Variants in UPRT observed in about 807,000 individuals in gnomAD.
UPRT encodes RP11-311P8.3.
In UPRT, 5 loss-of-function variants were observed where a neutral mutation model predicts 22.6. The ratio of observed to expected loss-of-function variants is 0.22; its 90% CI spans 0.12 to 0.47. The LOEUF is 0.47. UPRT is among the 20% of genes least tolerant of loss of function. The pLI, the probability that UPRT is intolerant of heterozygous loss-of-function variation, is 0.99. For missense variants in UPRT, 181 were observed against 239.9 expected (o/e 0.75, Z 1.62); for synonymous variants, 77 against 87.7 (o/e 0.88, Z 0.68).
At chrX:75,238,877 G>A (rs1333211087) in intron 4 of UPRT, among the ~76,000 whole-genome samples, 5 of 111,611 alleles carry the variant, frequency 4.5e-5, no homozygotes, top group Non-Finnish European at 7.5e-5. Context: ...GGTCAACAAC[G>A]AAATCAAGAT....
At chrX:75,291,650 A>C (rs1325803860) in intron 1 of UPRT, 1 of 147,339 alleles carries the variant, frequency 6.8e-6, no homozygotes, top group Non-Finnish European at 1.3e-5. Flanking sequence ...AAAAAAAAAA[A>C]CGAGGTCAAC....
Position 75,304,593 on chromosome X carries a change from T to C in UPRT, c.*1082T>C, listed in dbSNP as rs1255723681. On this transcript the variant is annotated 3_prime_UTR_variant, in exon 7 of 7. Transcript: ENST00000373383. ...ATTTTACATTGATATTAAAACATTTTAACAGTGTTGGCTAGCTGATTACTT... is the reference window on the plus strand; with the variant it reads ...ATTTTACATTGATATTAAAACATTTCAACAGTGTTGGCTAGCTGATTACTT... 1 of 111,456 alleles carries C rather than the reference T, an allele frequency of 9.0e-6. No homozygotes were observed. The highest frequency in any genetic ancestry group is 1.9e-5 in the Non-Finnish European group (1 of 53,144). The allele number at this position is 111,456 out of a possible 1,213,427, so 9.2% of individuals were successfully genotyped here. A position where few individuals can be genotyped will look rare whatever the true frequency, so the allele number is the denominator to read the frequency against.
chrX:75,267,500 C>T (rs990854212), intron 4 of UPRT, among the ~76,000 whole-genome samples: 9 of 111,540 alleles, frequency 8.1e-5, no homozygotes, highest in African/African-American at 2.9e-4. Flanking sequence ...GGGTGCAGCA[C>T]ACCAATATGG....
chrX:75,172,543 C>T (rs371857506), intron 4 of UPRT, among the ~76,000 whole-genome samples: 2 of 111,935 alleles, frequency 1.8e-5, no homozygotes, highest in Admixed American at 9.4e-5. Context: ...CTTTTGTGTC[C>T]GGAATTGGTG....
intron 4 of UPRT, among the ~76,000 whole-genome samples, chrX:75,196,833 TG>T (rs1403584078): frequency 9.0e-6 from 1 of 110,763 alleles, no homozygotes; most frequent in Non-Finnish European, 1.9e-5. Context: ...GGTGACAAAG[TG>T]AGACTCTTTC....
intron 4 of UPRT, among the ~76,000 whole-genome samples, chrX:75,265,337 C>G (rs1337621857): frequency 2.7e-5 from 3 of 111,899 alleles, no homozygotes; most frequent in Non-Finnish European, 5.6e-5. Flanking sequence ...TATATTTGTT[C>G]TTTTCACATA....
intron 4 of UPRT, among the ~76,000 whole-genome samples, chrX:75,225,209 A>G (rs986879734): frequency 2.7e-5 from 3 of 110,551 alleles, no homozygotes; most frequent in African/African-American, 9.9e-5. Flanking sequence ...ACTCATGCCT[A>G]TAATCCCGGC....
chrX:75,164,763 A>T (rs1362415412), intron 3 of UPRT, among the ~76,000 whole-genome samples: 1 of 111,755 alleles, frequency 8.9e-6, no homozygotes, highest in Non-Finnish European at 1.9e-5. Flanking sequence ...TATATAGTAT[A>T]TGAATTATAG....
chrX:75,275,957 G>A (rs753546303), intron 1 of UPRT, among the ~76,000 whole-genome samples: 3 of 111,387 alleles, frequency 2.7e-5, no homozygotes. Flanking sequence ...AGCAATCCTC[G>A]TGCCTCGGCC....
At chrX:75,185,567 T>C (rs2082287112) in intron 4 of UPRT, among the ~76,000 whole-genome samples, 1 of 112,227 alleles carries the variant, frequency 8.9e-6, no homozygotes, top group African/African-American at 3.2e-5. Flanking sequence ...CCTGTTTTTC[T>C]ATTGATTGGA....
chrX:75,175,755 C>T (rs747698291), intron 4 of UPRT, among the ~76,000 whole-genome samples: 1 of 111,748 alleles, frequency 8.9e-6, no homozygotes, highest in African/African-American at 3.2e-5. Context: ...TAGTAAACCA[C>T]ACTGATAACA....
chrX:75,187,599 A>G (rs935239800), intron 4 of UPRT, among the ~76,000 whole-genome samples: 12 of 112,038 alleles, frequency 1.1e-4, no homozygotes, highest in Admixed American at 1.9e-4. Context: ...GTTCTCCCGA[A>G]TAATATCCTT....
chrX:75,173,620 C>T (rs1399478093), intron 4 of UPRT, among the ~76,000 whole-genome samples: 3 of 112,647 alleles, frequency 2.7e-5, no homozygotes, highest in Non-Finnish European at 3.8e-5. Flanking sequence ...CTTGGGTGGT[C>T]GATGGGACTG....
intron 1 of UPRT, among the ~76,000 whole-genome samples, chrX:75,288,691 A>T (rs751381132): frequency 8.9e-6 from 1 of 111,938 alleles, no homozygotes; most frequent in Non-Finnish European, 1.9e-5. Context: ...CCTGAAAATA[A>T]TAACAGCCAT....
chrX:75,276,625 C>T (rs1422900364), intron 1 of UPRT, among the ~76,000 whole-genome samples: 3 of 111,663 alleles, frequency 2.7e-5, no homozygotes, highest in African/African-American at 6.5e-5. Context: ...TCGACTCCCT[C>T]GTACCAGTAG....
chrX:75,188,062 G>A (rs1464642010), intron 4 of UPRT, among the ~76,000 whole-genome samples: 1 of 112,344 alleles, frequency 8.9e-6, no homozygotes, highest in African/African-American at 3.2e-5. Flanking sequence ...TCCATTGCTG[G>A]TGAGGAACTG....
rs56059655 is a variant in UPRT, at chrX:75,235,565, C to T, written c.-446-55459C>T. 9.0e-3 allele frequency among the ~76,000 whole-genome samples: 1,003 copies of T among 111,501 alleles called. 5 individuals carry two copies. Among genetic ancestry groups the T allele is most frequent in the Non-Finnish European group, 0.014 (755 of 53,023 alleles). ...AATCCTCAATAAAATACTGGCAAAC[C>T]GAATCCAGCAGCACATCAAAAAGCT... On this transcript the variant is annotated intron_variant, in intron 4 of 13. Coordinates refer to the UPRT transcript ENST00000652605.
intron 4 of UPRT, among the ~76,000 whole-genome samples, chrX:75,249,721 C>G (rs1396466484): frequency 9.0e-6 from 1 of 111,564 alleles, no homozygotes; most frequent in African/African-American, 3.3e-5. Context: ...TAATAGACAC[C>G]TACAGAACTC....
chrX:75,250,930 C>A (rs1487983554), intron 4 of UPRT, among the ~76,000 whole-genome samples: 1 of 111,650 alleles, frequency 9.0e-6, no homozygotes, highest in East Asian at 2.8e-4. Context: ...TAAACGTAAT[C>A]CAGCATATAA....
Sources: allele counts gnomAD v4.1 joint callset (sites outside exome capture counted in the v4.1 genomes callset), GRCh38; gene constraint gnomAD v4.1.1; transcripts MANE v1.5; gene names NCBI Gene and HGNC (gene_info 2026-07-23, HGNC 2026-07-21).